LRRCC1: variants seen among roughly 807,000 people sequenced by gnomAD.
The protein encoded by LRRCC1 is leucine rich repeat and coiled-coil centrosomal protein 1, also known as leucine-rich repeat and coiled-coil domain-containing protein 1.
Under a neutral mutation model 126.0 loss-of-function variants are expected in LRRCC1, and 115 were observed. The ratio of observed to expected loss-of-function variants is 0.91; its 90% CI spans 0.78 to 1.07. LRRCC1 has a LOEUF of 1.07. Among genes scored for constraint, LRRCC1 ranks in the 50% least tolerant of loss-of-function variants. The pLI, the probability that LRRCC1 is intolerant of heterozygous loss-of-function variation, is 0.00. For missense variants in LRRCC1, 1,172 were observed against 1,175.7 expected (o/e 1.00, Z 0.05); for synonymous variants, 400 against 393.4 (o/e 1.02, Z -0.20).
At chr8:85,133,978 C>G (rs1325449468) in intron 12 of LRRCC1, among the ~76,000 whole-genome samples, 1 of 152,176 alleles carries the variant, frequency 6.6e-6, no homozygotes, top group African/African-American at 2.4e-5. Context: ...CTACTACCTT[C>G]CCCTTCATTT....
chr8:85,123,355 A>T, intron 6 of LRRCC1, 58 bp from the exon 7 acceptor site: 1 of 1,138,688 alleles, frequency 8.8e-7, no homozygotes, highest in Non-Finnish European at 1.3e-6. Flanking sequence ...AAGATTTCCA[A>T]TTTCAATCTT....
intron 14 of LRRCC1, 75 bp from the exon 15 acceptor site, chr8:85,137,389 A>G (rs1810946612): frequency 9.5e-6 from 8 of 840,652 alleles, no homozygotes; most frequent in African/African-American, 1.8e-5. Context: ...ATTATATTAC[A>G]GTTTGTTAGA....
At chr8:85,139,503 T>G (rs1242963499) in intron 17 of LRRCC1, among the ~76,000 whole-genome samples, 4 of 152,040 alleles carry the variant, frequency 2.6e-5, no homozygotes, top group African/African-American at 9.7e-5. Flanking sequence ...TGACCTCAGG[T>G]GATCCACCCG....
intron 9 of LRRCC1, 103 bp from the exon 10 acceptor site, chr8:85,129,072 G>C (rs1810237023): frequency 1.2e-6 from 1 of 837,870 alleles, no homozygotes; most frequent in Non-Finnish European, 1.9e-6. Context: ...TTGAGAGCAT[G>C]AACAAAGGAA....
chr8:85,108,293 TTA>T (rs1408739426), intron 1 of LRRCC1, among the ~76,000 whole-genome samples: 2 of 152,248 alleles, frequency 1.3e-5, no homozygotes, highest in African/African-American at 4.8e-5. Context: ...ACATTTCTAT[TTA>T]ATACTAGCTG....
intron 1 of LRRCC1, chr8:85,109,343 A>G (rs1247830245): frequency 2.1e-6 from 1 of 486,856 alleles, no homozygotes. Flanking sequence ...GACTGCACAC[A>G]GGAGTTAGAA....
In LRRCC1 at chr8:85,115,505, A is replaced by G; in HGVS notation, c.851A>G (p.Lys284Arg). 1 of 1,613,814 alleles carries G rather than the reference A, an allele frequency of 6.2e-7. No homozygotes were observed. Among genetic ancestry groups the G allele is most frequent in the Non-Finnish European group, 8.5e-7 (1 of 1,179,824 alleles). ...MSVCQSSEPE[K>R]NNHENDLQNE... ...GTGTGTCAATCTTCTGAGCCAGAGA[A>G]AAATAATCATGAAAACGATTTGCAG... The change falls in exon 6 of 19, where the codon AAA (lysine) becomes AGA (arginine). Residue 284 changes from lysine (K) to arginine (R), a missense_variant. Lys to Arg is a conservative substitution (Grantham distance 26). Transcript: ENST00000360375.
At chr8:85,129,033 A>G (rs1034075964) in intron 9 of LRRCC1, 142 bp from the exon 10 acceptor site, 3 of 662,928 alleles carry the variant, frequency 4.5e-6, no homozygotes, top group Non-Finnish European at 8.0e-6. Context: ...ACAGTCTAGC[A>G]CGCTTTCATA....
At chr8:85,127,740 G>T (rs902478096) in intron 9 of LRRCC1, among the ~76,000 whole-genome samples, 2 of 152,168 alleles carry the variant, frequency 1.3e-5, no homozygotes, top group East Asian at 3.9e-4. Context: ...ATTCTAATAC[G>T]CAACATGCAT....
chr8:85,126,946 G>C (rs944669587), intron 9 of LRRCC1, 109 bp downstream of exon 9: 5 of 945,494 alleles, frequency 5.3e-6, no homozygotes, highest in Non-Finnish European at 7.5e-6. Flanking sequence ...AATGTATGTG[G>C]TTTTAGTTTG....
chr8:85,138,602 T>A, intron 17 of LRRCC1, 127 bp downstream of exon 17: 1 of 968,486 alleles, frequency 1.0e-6, no homozygotes, highest in Non-Finnish European at 1.5e-6. Context: ...AGAAGTTTAT[T>A]TCCATTTCAT....
Position 85,112,941 on chromosome 8 carries a change from C to T in LRRCC1, c.386C>T (p.Pro129Leu), listed in dbSNP as rs775375806. 1.5e-5 allele frequency: 24 copies of T among 1,563,060 alleles called. 2 individuals are homozygous for T. In the South Asian group the frequency reaches 2.8e-4, roughly 18 times the overall value. The part of the protein sequence containing the change: ...NHIDDLSGLI[P>L]LHGIKHKLRY... ...TATGTTCCTATTGCAGGATTGATTCCCCTTCATGGAATTAAGCATAAACTT... is the reference window on the plus strand; with the variant it reads ...TATGTTCCTATTGCAGGATTGATTCTCCTTCATGGAATTAAGCATAAACTT... The change falls in exon 4 of 19, where the codon CCC becomes CTC. Residue 129 changes from proline to leucine, a missense_variant. Coordinates refer to ENST00000360375, the MANE Select transcript of LRRCC1 (RefSeq NM_033402.5).
In LRRCC1 at chr8:85,107,411, T is replaced by A. The variant is rs371725003; in HGVS notation, c.104+12T>A. The A allele has an allele frequency of 3.0e-4, 473 of 1,597,144 alleles. 4 individuals are homozygous for A. The South Asian group carries it at 4.3e-3, about 15-fold the overall frequency. On this transcript the variant is annotated intron_variant, in intron 1 of 18. Coordinates refer to ENST00000360375, the MANE Select transcript of LRRCC1 (RefSeq NM_033402.5). ...AAAGGCTTGCAGAGGTAAAGGGCGC[T>A]CCGCAGCCAGGAGCGACCCGCGCAC...
At chr8:85,141,579 A>G in intron 18 of LRRCC1, 62 bp downstream of exon 18, 2 of 1,229,290 alleles carry the variant, frequency 1.6e-6, no homozygotes, top group Non-Finnish European at 2.2e-6. Context: ...TAAATAAATT[A>G]GATCTTCGAG....
intron 9 of LRRCC1, among the ~76,000 whole-genome samples, chr8:85,128,884 G>T (rs932028927): frequency 3.3e-5 from 5 of 151,986 alleles, no homozygotes; most frequent in Non-Finnish European, 2.9e-5. Flanking sequence ...TTCATCAATT[G>T]ATATTGATAT....
At chr8:85,109,854 A>AT (rs988300018) in intron 2 of LRRCC1, 54 bp downstream of exon 2, 21 of 919,392 alleles carry the variant, frequency 2.3e-5, no homozygotes, top group Non-Finnish European at 2.8e-5. Flanking sequence ...ATTTAGGTCC[A>AT]TTTTTTTCCC....
At chr8:85,124,066 G>A (rs1292596084) in intron 7 of LRRCC1, among the ~76,000 whole-genome samples, 1 of 152,086 alleles carries the variant, frequency 6.6e-6, no homozygotes, top group Non-Finnish European at 1.5e-5. Context: ...ATCCTAGTCA[G>A]ATGATACTGA....
At chr8:85,137,167 T>C (rs1163734512) in intron 14 of LRRCC1, among the ~76,000 whole-genome samples, 1 of 152,186 alleles carries the variant, frequency 6.6e-6, no homozygotes, top group Admixed American at 6.5e-5. Flanking sequence ...ATTTGTTCAT[T>C]CTCTGTAGGA....
At chr8:85,119,127 A>G (rs79152076) in intron 6 of LRRCC1, among the ~76,000 whole-genome samples, 5,134 of 152,076 alleles carry the variant, frequency 0.034, 266 homozygotes, top group African/African-American at 0.12. Context: ...AAATCAAATC[A>G]ACTTACAAAC....
Sources: allele counts gnomAD v4.1 joint callset (sites outside exome capture counted in the v4.1 genomes callset), GRCh38; gene constraint gnomAD v4.1.1; transcripts MANE v1.5; gene names NCBI Gene and HGNC (gene_info 2026-07-23, HGNC 2026-07-21).